Variants in DISC1 observed in about 807,000 individuals in gnomAD.
DISC1 encodes the protein DISC1 scaffold protein.
In DISC1, 57 loss-of-function variants were observed where a neutral mutation model predicts 84.5. The ratio of observed to expected loss-of-function variants is 0.67; its 90% confidence interval spans 0.55 to 0.84. DISC1 has a LOEUF of 0.84. Ranked by LOEUF, DISC1 falls within the 40% of genes least tolerant of loss-of-function variation. The pLI, the probability that DISC1 is intolerant of heterozygous loss-of-function variation, is 0.00. For missense variants in DISC1, 1,000 were observed against 1,057.8 expected (o/e 0.95, Z 0.76); for synonymous variants, 411 against 415.2 (o/e 0.99, Z 0.12).
chr1:231,631,753 A>T (rs866147760), intron 1 of DISC1, among the ~76,000 whole-genome samples: 9 of 152,060 alleles, frequency 5.9e-5, no homozygotes, highest in Middle Eastern at 3.4e-3. Flanking sequence ...AAAAAAATTT[A>T]AAAATTATTA....
At chr1:231,856,235 G>A (rs1410021579) in intron 9 of DISC1, among the ~76,000 whole-genome samples, 1 of 152,078 alleles carries the variant, frequency 6.6e-6, no homozygotes, top group Non-Finnish European at 1.5e-5. Context: ...TGTGGCATGT[G>A]GATGGTAAAA....
At chr1:231,808,894 A>G (rs2079988008) in intron 8 of DISC1, among the ~76,000 whole-genome samples, 1 of 152,180 alleles carries the variant, frequency 6.6e-6, no homozygotes, top group Non-Finnish European at 1.5e-5. Context: ...ACAAATTCAA[A>G]AAGTGTAATT....
chr1:231,988,332 TC>T (rs1406758018), intron 10 of DISC1, among the ~76,000 whole-genome samples: 2 of 152,190 alleles, frequency 1.3e-5, no homozygotes, highest in Non-Finnish European at 2.9e-5. Flanking sequence ...TTAATAATAT[TC>T]CCCAAGTGAT....
chr1:231,731,866 GC>G (rs575650940), intron 3 of DISC1, among the ~76,000 whole-genome samples: 109 of 152,196 alleles, frequency 7.2e-4, no homozygotes, highest in Non-Finnish European at 1.4e-3. Context: ...CAAACCCTGA[GC>G]CAGACGCTCT....
intron 9 of DISC1, among the ~76,000 whole-genome samples, chr1:231,940,630 C>A (rs1572205401): frequency 6.6e-6 from 1 of 152,116 alleles, no homozygotes; most frequent in Admixed American, 6.5e-5. Flanking sequence ...TTCTCCTAGA[C>A]CCTGTGCTCT....
At chr1:231,717,883 A>G (rs2068983763) in intron 3 of DISC1, among the ~76,000 whole-genome samples, 1 of 152,172 alleles carries the variant, frequency 6.6e-6, no homozygotes, top group Non-Finnish European at 1.5e-5. Flanking sequence ...ATTTTCCAAT[A>G]CTATTGTATA....
At chr1:231,650,686 C>A (rs1242679528) in intron 1 of DISC1, among the ~76,000 whole-genome samples, 1 of 152,220 alleles carries the variant, frequency 6.6e-6, no homozygotes, top group Non-Finnish European at 1.5e-5. Context: ...CTCCCCGTCA[C>A]TTTCAGGTAC....
intron 6 of DISC1, among the ~76,000 whole-genome samples, chr1:231,786,718 C>CA (rs1396250593): frequency 6.6e-6 from 1 of 152,188 alleles, no homozygotes; most frequent in African/African-American, 2.4e-5. Flanking sequence ...ACCTGTCCCA[C>CA]ACCATGGTAG....
intron 9 of DISC1, among the ~76,000 whole-genome samples, 157 bp from the exon 10 acceptor site, chr1:231,958,671 C>G (rs1204995799): frequency 6.6e-6 from 1 of 152,242 alleles, no homozygotes; most frequent in African/African-American, 2.4e-5. Context: ...TGACTTCAGG[C>G]AGCCACTCCA....
chr1:231,973,772 G>A (rs909819123), intron 10 of DISC1, among the ~76,000 whole-genome samples: 1 of 152,162 alleles, frequency 6.6e-6, no homozygotes, highest in Non-Finnish European at 1.5e-5. Context: ...AATTCTAATT[G>A]GGAGTGGGAC....
At chr1:231,874,739 G>A (rs185056439) in intron 9 of DISC1, among the ~76,000 whole-genome samples, 21 of 151,570 alleles carry the variant, frequency 1.4e-4, no homozygotes, top group Admixed American at 3.3e-4. Context: ...GTGAAACCCC[G>A]TATCTACCAA....
chr1:231,799,461 A>C (rs2079012970), intron 7 of DISC1, among the ~76,000 whole-genome samples: 2 of 152,090 alleles, frequency 1.3e-5, no homozygotes, highest in Admixed American at 6.6e-5. Context: ...TGTGGAAACA[A>C]AGGAATAGAA....
rs1486438784 is a variant in DISC1 at position 231,694,725 on chromosome 1, G to A, written c.967G>A (p.Ala323Thr). 6.8e-6 allele frequency: 11 copies of A among 1,614,034 alleles called. No homozygotes were observed. The highest frequency in any genetic ancestry group is 9.3e-6 in the Non-Finnish European group (11 of 1,180,054). The change falls in exon 2 of 13, where the codon GCC (alanine) becomes ACC (threonine). Residue 323 changes from alanine (A) to threonine (T), a missense_variant. This residue lies in a region of DISC1 where 311 missense variants were observed against 400.1 expected (regional missense o/e 0.78). Coordinates refer to ENST00000439617, the MANE Select transcript of DISC1 (RefSeq NM_018662.3). ...GGDGSSGSGD[A>T]HSWDTLLRKW... Reference sequence around the variant, plus strand: ...TGATGGGAGCAGCGGCTCAGGGGATGCCCACTCTTGGGACACCCTGCTCAG... The same window carrying A: ...TGATGGGAGCAGCGGCTCAGGGGATACCCACTCTTGGGACACCCTGCTCAG...
chr1:231,670,020 A>T (rs1417028526), intron 1 of DISC1, among the ~76,000 whole-genome samples: 1 of 152,220 alleles, frequency 6.6e-6, no homozygotes, highest in East Asian at 1.9e-4. Context: ...GTACATATAT[A>T]CCATGGAATA....
intron 9 of DISC1, among the ~76,000 whole-genome samples, chr1:231,868,541 A>G (rs1331736490): frequency 6.6e-6 from 1 of 151,806 alleles, no homozygotes; most frequent in Non-Finnish European, 1.5e-5. Context: ...AGATGATAAC[A>G]TGAAATGAAA....
At chr1:231,869,551 G>A (rs1208444974) in intron 9 of DISC1, among the ~76,000 whole-genome samples, 1 of 151,886 alleles carries the variant, frequency 6.6e-6, no homozygotes, top group African/African-American at 2.4e-5. Context: ...TCTGCATCTG[G>A]TGAGGGCCTC....
At chr1:231,808,778 G>A (rs1037034569) in intron 8 of DISC1, among the ~76,000 whole-genome samples, 1 of 152,188 alleles carries the variant, frequency 6.6e-6, no homozygotes, top group Non-Finnish European at 1.5e-5. Flanking sequence ...TCTGGCGCTG[G>A]GAGCCAAACC....
chr1:231,646,314 C>A (rs558597922), intron 1 of DISC1, among the ~76,000 whole-genome samples: 2 of 152,080 alleles, frequency 1.3e-5, no homozygotes, highest in African/African-American at 4.8e-5. Flanking sequence ...TCATCCATGT[C>A]CCTACAAAGG....
At chr1:231,789,082 G>C (rs2078115125) in intron 6 of DISC1, among the ~76,000 whole-genome samples, 1 of 152,198 alleles carries the variant, frequency 6.6e-6, no homozygotes, top group African/African-American at 2.4e-5. Flanking sequence ...TAAGTTACAT[G>C]TAGGTTAGTA....
Sources: gnomAD v4.1 joint callset for allele counts (sites outside exome capture counted in the v4.1 genomes callset) on GRCh38, gnomAD v4.1.1 for gene constraint, gnomAD v4.1.1 regional missense constraint, MANE v1.5 for transcripts, NCBI Gene and HGNC (gene_info 2026-07-23, HGNC 2026-07-21) for gene names.